Variants in GRIA1 observed in about 807,000 individuals in gnomAD.
GRIA1 encodes glutamate receptor 1.
Under a neutral mutation model 99.2 loss-of-function variants are expected in GRIA1, and 31 were observed. That is an observed-to-expected ratio of 0.31 (90% CI 0.23 to 0.42). The LOEUF is 0.42. Ranked by LOEUF, GRIA1 falls within the 10% of genes least tolerant of loss-of-function variation. GRIA1 has a pLI of 1.00. For missense variants in GRIA1, 782 were observed against 1,157.5 expected (o/e 0.68, Z 4.71); for synonymous variants, 438 against 432.4 (o/e 1.01, Z -0.16).
At chr5:153,568,044 GT>G (rs1227689504) in intron 2 of GRIA1, among the ~76,000 whole-genome samples, 3 of 152,088 alleles carry the variant, frequency 2.0e-5, no homozygotes, top group African/African-American at 7.2e-5. Context: ...TTTTGTTGTT[GT>G]TTTTGCTCAA....
intron 2 of GRIA1, among the ~76,000 whole-genome samples, chr5:153,609,860 C>G (rs1235834190): frequency 6.6e-6 from 1 of 152,004 alleles, no homozygotes; most frequent in Non-Finnish European, 1.5e-5. Flanking sequence ...CGAGCCCAGC[C>G]CAGACTCTTT....
intron 15 of GRIA1, among the ~76,000 whole-genome samples, chr5:153,805,302 T>C (rs1305686690): frequency 6.6e-6 from 1 of 152,154 alleles, no homozygotes; most frequent in African/African-American, 2.4e-5. Flanking sequence ...TCTTAAGCTA[T>C]ATAGATTGTG....
chr5:153,643,122 T>C (rs1753892001), intron 2 of GRIA1, among the ~76,000 whole-genome samples: 1 of 152,190 alleles, frequency 6.6e-6, no homozygotes, highest in Non-Finnish European at 1.5e-5. Context: ...ACTTACCTGC[T>C]TACTGGATTT....
At position 153,615,331 on chromosome 5, in the gene GRIA1, A is replaced by T. The variant is rs1396812208; in HGVS notation, c.221-31597A>T. 1.3e-5 allele frequency among the ~76,000 whole-genome samples: 2 copies of T among 152,226 alleles called. 1 individual carries two copies. Among genetic ancestry groups the T allele is most frequent in the African/African-American group, 4.8e-5 (2 of 41,458 alleles). ...AGCTCATAATCCAGGTAGACCCAGAAATAACCACCACAATGAATAAAAGCT... is the reference window on the plus strand; with the variant it reads ...AGCTCATAATCCAGGTAGACCCAGATATAACCACCACAATGAATAAAAGCT... On this transcript the variant is annotated intron_variant, in intron 2 of 15. Coordinates refer to ENST00000285900, the MANE Select transcript of GRIA1 (RefSeq NM_000827.4).
At chr5:153,500,029 A>G (rs1243682847) in intron 2 of GRIA1, among the ~76,000 whole-genome samples, 1 of 152,180 alleles carries the variant, frequency 6.6e-6, no homozygotes, top group African/African-American at 2.4e-5. Context: ...TGGCTCCTCA[A>G]TCTTCACCCG....
rs1274065669 is a variant in GRIA1, at chr5:153,764,448, G to A, written c.1838G>A (p.Arg613His). Residue 613 changes from arginine (R) to histidine (H), a missense_variant, in exon 12 of 16, where the codon CGC becomes CAC. By Grantham distance (29) the Arg-to-His change is conservative. This residue lies in a region of GRIA1 where 119 missense variants were observed against 326.6 expected (regional missense o/e 0.36). Transcript: ENST00000285900. ...CDISPRSLSG[R>H]IVGGVWWFFT... is the part of the protein sequence containing the mutation. ...TTGGCCTGCAGGTCCCTGTCTGGTCGCATCGTTGGTGGCGTCTGGTGGTTC... is the reference window on the plus strand; with the variant it reads ...TTGGCCTGCAGGTCCCTGTCTGGTCACATCGTTGGTGGCGTCTGGTGGTTC... 2 of 1,613,472 alleles carry A rather than the reference G, an allele frequency of 1.2e-6. No individual in the cohort carries two copies. Among genetic ancestry groups the A allele is most frequent in the East Asian group, 2.2e-5 (1 of 44,868 alleles).
At chr5:153,686,652 T>A (rs534123768) in intron 8 of GRIA1, among the ~76,000 whole-genome samples, 1 of 152,358 alleles carries the variant, frequency 6.6e-6, no homozygotes, top group African/African-American at 2.4e-5. Flanking sequence ...GCCACTCCCA[T>A]TCCTGAGGGT....
At chr5:153,613,775 G>A (rs1360026488) in intron 2 of GRIA1, among the ~76,000 whole-genome samples, 1 of 152,116 alleles carries the variant, frequency 6.6e-6, no homozygotes, top group Non-Finnish European at 1.5e-5. Context: ...CTTGAGAGAG[G>A]CATTTACATA....
At chr5:153,626,545 T>C (rs768532142) in intron 2 of GRIA1, among the ~76,000 whole-genome samples, 13 of 151,780 alleles carry the variant, frequency 8.6e-5, no homozygotes, top group African/African-American at 2.9e-4. Context: ...TTTGAGTTCA[T>C]TGGCAGCATT....
intron 2 of GRIA1, among the ~76,000 whole-genome samples, chr5:153,574,125 G>A (rs1762343718): frequency 3.3e-5 from 5 of 152,180 alleles, no homozygotes; most frequent in African/African-American, 1.2e-4. Flanking sequence ...TTTCAGCACT[G>A]TTATTTTGGT....
chr5:153,804,606 A>G (rs1766288222), intron 15 of GRIA1, among the ~76,000 whole-genome samples: 1 of 152,210 alleles, frequency 6.6e-6, no homozygotes, highest in African/African-American at 2.4e-5. Context: ...ACAGTACAGC[A>G]TCATCATCTA....
At chr5:153,683,432 G>A (rs982261924) in intron 7 of GRIA1, among the ~76,000 whole-genome samples, 1 of 152,140 alleles carries the variant, frequency 6.6e-6, no homozygotes, top group Admixed American at 6.6e-5. Flanking sequence ...AGCGCCATCA[G>A]CTCTGAGTCT....
At chr5:153,546,611 A>G (rs1371554126) in intron 2 of GRIA1, among the ~76,000 whole-genome samples, 1 of 152,186 alleles carries the variant, frequency 6.6e-6, no homozygotes, top group African/African-American at 2.4e-5. Flanking sequence ...GGAACGTCTT[A>G]CAGATGAAGA....
At chr5:153,555,658 G>A (rs761622420) in intron 2 of GRIA1, among the ~76,000 whole-genome samples, 29 of 152,126 alleles carry the variant, frequency 1.9e-4, no homozygotes, top group Non-Finnish European at 3.4e-4. Context: ...GGCGGGAAGC[G>A]ATTGATTGGT....
intron 14 of GRIA1, among the ~76,000 whole-genome samples, chr5:153,797,222 G>A (rs901010996): frequency 1.3e-5 from 2 of 152,174 alleles, no homozygotes; most frequent in Admixed American, 1.3e-4. Flanking sequence ...AGGCACAGTA[G>A]GCAACAGCCT....
At chr5:153,537,798 T>A (rs1758720197) in intron 2 of GRIA1, among the ~76,000 whole-genome samples, 1 of 152,206 alleles carries the variant, frequency 6.6e-6, no homozygotes, top group Non-Finnish European at 1.5e-5. Context: ...AGCCCTTTTA[T>A]CTGCAGGTTG....
chr5:153,605,097 G>GAATCGC (rs1765331268), intron 2 of GRIA1, among the ~76,000 whole-genome samples: 1 of 151,818 alleles, frequency 6.6e-6, no homozygotes, highest in African/African-American at 2.4e-5. Context: ...TGAGACAGGA[G>GAATCGC]AATCGCTTGA....
chr5:153,526,234 C>T (rs897421293), intron 2 of GRIA1, among the ~76,000 whole-genome samples: 1 of 152,160 alleles, frequency 6.6e-6, no homozygotes, highest in Non-Finnish European at 1.5e-5. Flanking sequence ...AAAAGTGAAA[C>T]TTGGGATTGG....
chr5:153,749,277 G>C (rs1376194183), intron 11 of GRIA1, among the ~76,000 whole-genome samples: 1 of 152,150 alleles, frequency 6.6e-6, no homozygotes, highest in Non-Finnish European at 1.5e-5. Flanking sequence ...CATGAGATGG[G>C]ATTCATTATC....
Sources: allele counts gnomAD v4.1 joint callset (sites outside exome capture counted in the v4.1 genomes callset), GRCh38; gene constraint gnomAD v4.1.1; regional missense constraint gnomAD v4.1.1; transcripts MANE v1.5; gene names NCBI Gene and HGNC (gene_info 2026-07-23, HGNC 2026-07-21).